Variants in NRG3 observed in about 807,000 individuals in gnomAD.
NRG3 encodes pro-neuregulin-3, membrane-bound isoform.
A neutral mutation model predicts 66.9 loss-of-function variants in NRG3; 31 were observed. The ratio of observed to expected loss-of-function variants is 0.46; its 90% CI spans 0.35 to 0.63. NRG3 has a LOEUF of 0.63. Ranked by LOEUF, NRG3 falls within the 20% of genes least tolerant of loss-of-function variation. The probability of loss-of-function intolerance (pLI) is 0.00; values close to 1 mark genes in which losing one functional copy is unlikely to be tolerated. For missense variants in NRG3, 910 were observed against 878.9 expected (o/e 1.04, Z -0.45); for synonymous variants, 393 against 359.4 (o/e 1.09, Z -1.06).
At chr10:82,470,066 G>T (rs752892646) in intron 2 of NRG3, among the ~76,000 whole-genome samples, 2 of 152,142 alleles carry the variant, frequency 1.3e-5, no homozygotes, top group Non-Finnish European at 2.9e-5. Flanking sequence ...CTGCTGTCAG[G>T]TGGGAGCCCT....
intron 4 of NRG3, among the ~76,000 whole-genome samples, chr10:82,898,425 C>A (rs763708918): frequency 6.6e-6 from 1 of 152,170 alleles, no homozygotes; most frequent in Non-Finnish European, 1.5e-5. Flanking sequence ...AGGCTCCCTA[C>A]CCAGATGGTC....
intron 2 of NRG3, among the ~76,000 whole-genome samples, chr10:82,371,080 T>C (rs2084858564): frequency 6.6e-6 from 1 of 152,074 alleles, no homozygotes. Flanking sequence ...TTCTTGTCAA[T>C]AACTTGCTAT....
At chr10:81,947,137 G>A (rs1848917371) in intron 1 of NRG3, among the ~76,000 whole-genome samples, 1 of 152,090 alleles carries the variant, frequency 6.6e-6, no homozygotes, top group Non-Finnish European at 1.5e-5. Flanking sequence ...TTCTTGGCTT[G>A]TGGTAGCATA....
intron 2 of NRG3, among the ~76,000 whole-genome samples, chr10:82,493,190 G>T (rs562071555): frequency 6.6e-6 from 1 of 152,010 alleles, no homozygotes; most frequent in South Asian, 2.1e-4. Context: ...AGGTAAATGT[G>T]TGCCATGGTG....
chr10:82,438,307 G>A (rs2090250074), intron 2 of NRG3, among the ~76,000 whole-genome samples: 1 of 152,246 alleles, frequency 6.6e-6, no homozygotes, highest in African/African-American at 2.4e-5. Flanking sequence ...GTCAGGGTTA[G>A]GCCTGAAGAG....
intron 3 of NRG3, among the ~76,000 whole-genome samples, chr10:82,748,437 A>G (rs996965051): frequency 6.6e-6 from 1 of 151,378 alleles, no homozygotes; most frequent in Non-Finnish European, 1.5e-5. Context: ...AAAACTATAC[A>G]CTCACCCAAA....
At position 82,239,425 on chromosome 10, in the gene NRG3, G is replaced by A. The variant is rs181284090; in HGVS notation, c.824-119314G>A. 4.4e-3 allele frequency among the ~76,000 whole-genome samples: 668 copies of A among 152,088 alleles called. 3 individuals carry two copies. Among genetic ancestry groups the A allele is most frequent in the African/African-American group, 0.015 (640 of 41,488 alleles). On this transcript the variant is annotated intron_variant, in intron 1 of 8. Coordinates refer to ENST00000372141, the MANE Select transcript of NRG3 (RefSeq NM_001010848.4). ...GCCGCCTTGGTCTCCCAAAGTGCTG[G>A]GATTACAGGCATGAGCCACCGCACC...
chr10:81,932,900 A>T (rs1847508430), intron 1 of NRG3, among the ~76,000 whole-genome samples: 2 of 152,056 alleles, frequency 1.3e-5, no homozygotes, highest in Admixed American at 6.6e-5. Context: ...CAAGGTGAGG[A>T]GTTCAAGACC....
intron 2 of NRG3, among the ~76,000 whole-genome samples, chr10:82,713,314 A>C (rs2134417149): frequency 6.6e-6 from 1 of 152,142 alleles, no homozygotes; most frequent in South Asian, 2.1e-4. Flanking sequence ...GTAAGCATTA[A>C]AGGGCCAGGA....
intron 4 of NRG3, among the ~76,000 whole-genome samples, chr10:82,877,533 C>A (rs112501629): frequency 0.026 from 3,682 of 140,286 alleles, 112 homozygotes; most frequent in Middle Eastern, 0.069. Flanking sequence ...GCCACCACAC[C>A]CGGCTTTTTT....
chr10:82,957,749 G>A (rs1850199262), intron 5 of NRG3, among the ~76,000 whole-genome samples: 1 of 149,928 alleles, frequency 6.7e-6, no homozygotes, highest in South Asian at 2.1e-4. Context: ...AATCAGTTGT[G>A]TACCTAACGT....
intron 1 of NRG3, among the ~76,000 whole-genome samples, chr10:82,132,513 T>TC (rs368739718): frequency 1.8e-4 from 2 of 11,026 alleles, no homozygotes; most frequent in African/African-American, 4.2e-4. Context: ...ATCATATATA[T>TC]ATGATATATA....
chr10:82,738,564 C>T lies in NRG3; in HGVS notation c.954-13C>T, dbSNP rs1431072717. On this transcript the variant is annotated splice_polypyrimidine_tract_variant and intron_variant, in intron 2 of 8. Coordinates refer to ENST00000372141, the MANE Select transcript of NRG3 (RefSeq NM_001010848.4). Reference sequence around the variant, plus strand: ...CCACATGCGTATGTTTGTCATTTATCCCCTTTTCTCAGGTGCAAAGAAGGC... The same window carrying T: ...CCACATGCGTATGTTTGTCATTTATTCCCTTTTCTCAGGTGCAAAGAAGGC... 2 of 1,611,406 alleles carry T rather than the reference C, an allele frequency of 1.2e-6. No individual in the cohort carries two copies. Among genetic ancestry groups the T allele is most frequent in the South Asian group, 2.2e-5 (2 of 91,028 alleles).
At chr10:82,740,044 C>G (rs1211605913) in intron 3 of NRG3, among the ~76,000 whole-genome samples, 1 of 151,762 alleles carries the variant, frequency 6.6e-6, no homozygotes, top group Non-Finnish European at 1.5e-5. Flanking sequence ...TCTAGTTTTT[C>G]TCTTTTTCTT....
At chr10:82,873,434 T>G (rs1226422652) in intron 4 of NRG3, among the ~76,000 whole-genome samples, 1 of 152,190 alleles carries the variant, frequency 6.6e-6, no homozygotes, top group African/African-American at 2.4e-5. Flanking sequence ...AGAGATATAA[T>G]TGACAGACTT....
At chr10:82,467,657 G>T (rs2132024905) in intron 2 of NRG3, among the ~76,000 whole-genome samples, 1 of 152,256 alleles carries the variant, frequency 6.6e-6, no homozygotes, top group African/African-American at 2.4e-5. Context: ...AGGAATAGTA[G>T]GGCACTCACT....
chr10:81,927,896 A>C (rs917010738), intron 1 of NRG3, among the ~76,000 whole-genome samples: 42 of 152,302 alleles, frequency 2.8e-4, no homozygotes, highest in African/African-American at 9.6e-4. Context: ...TAAAACAGAG[A>C]TCTTAAGACT....
intron 1 of NRG3, among the ~76,000 whole-genome samples, chr10:81,946,073 A>G (rs1399942728): frequency 1.3e-5 from 2 of 151,816 alleles, no homozygotes; most frequent in African/African-American, 2.4e-5. Context: ...CTGGAGTGCA[A>G]TGGTGCAGTC....
chr10:82,275,209 G>A (rs2078784299), intron 1 of NRG3, among the ~76,000 whole-genome samples: 1 of 151,978 alleles, frequency 6.6e-6, no homozygotes, highest in African/African-American at 2.4e-5. Flanking sequence ...GTTGTTTAGT[G>A]TAGGTAATGC....
Sources: allele counts gnomAD v4.1 joint callset (sites outside exome capture counted in the v4.1 genomes callset), GRCh38; gene constraint gnomAD v4.1.1; transcripts MANE v1.5; gene names NCBI Gene and HGNC (gene_info 2026-07-23, HGNC 2026-07-21).